Variants in GAS2 observed in about 807,000 individuals in gnomAD.
GAS2 encodes the protein growth arrest-specific protein 2.
A neutral mutation model predicts 37.5 loss-of-function variants in GAS2; 20 were observed. The ratio of observed to expected loss-of-function variants is 0.53; its 90% CI spans 0.37 to 0.77. The LOEUF is 0.77. Ranked by LOEUF, GAS2 falls within the 30% of genes least tolerant of loss-of-function variation. The pLI is 0.00. For missense variants in GAS2, 336 were observed against 373.4 expected, an observed-to-expected ratio of 0.90 and a Z score of 0.82; for synonymous variants, 144 against 132.2, an observed-to-expected ratio of 1.09 and a Z score of -0.61.
intron 5 of GAS2, among the ~76,000 whole-genome samples, chr11:22,746,887 G>T (rs148568038): frequency 6.6e-6 from 1 of 152,176 alleles, no homozygotes; most frequent in East Asian, 1.9e-4. Context: ...AAAAAATTAA[G>T]TAGGTCAATG....
At chr11:22,799,375 C>G (rs943594544) in intron 7 of GAS2, among the ~76,000 whole-genome samples, 1 of 151,958 alleles carries the variant, frequency 6.6e-6, no homozygotes, top group Non-Finnish European at 1.5e-5. Context: ...AAAATGCATT[C>G]CAGGTATAAT....
chr11:22,648,893 T>C (rs1460036465), intron 1 of GAS2, among the ~76,000 whole-genome samples: 2 of 152,040 alleles, frequency 1.3e-5, no homozygotes, highest in African/African-American at 4.8e-5. Flanking sequence ...CTTTTCCTAA[T>C]TGAATACCCT....
chr11:22,701,592 G>T (rs1850845692), intron 3 of GAS2, among the ~76,000 whole-genome samples: 1 of 152,178 alleles, frequency 6.6e-6, no homozygotes, highest in South Asian at 2.1e-4. Context: ...ACTTTGGGAG[G>T]CCAAGGCAGG....
At chr11:22,809,254 G>A (rs570203265) in intron 7 of GAS2, among the ~76,000 whole-genome samples, 8 of 152,128 alleles carry the variant, frequency 5.3e-5, no homozygotes, top group South Asian at 2.1e-4. Context: ...AATCAGTCTC[G>A]AATTCATTTC....
At chr11:22,702,598 T>C (rs962271268) in intron 3 of GAS2, 39 of 152,296 alleles carry the variant, frequency 2.6e-4, no homozygotes, top group African/African-American at 7.7e-4. Flanking sequence ...CCCCTTAAAT[T>C]ATAAGAGGGT....
chr11:22,797,598 C>T (rs1176762366), intron 7 of GAS2, among the ~76,000 whole-genome samples: 1 of 152,064 alleles, frequency 6.6e-6, no homozygotes, highest in Non-Finnish European at 1.5e-5. Context: ...ACTGTGTGTC[C>T]TTGAGCTACC....
intron 1 of GAS2, among the ~76,000 whole-genome samples, chr11:22,659,653 A>C (rs1256365172): frequency 5.3e-5 from 8 of 152,188 alleles, no homozygotes; most frequent in Non-Finnish European, 1.2e-4. Flanking sequence ...GCTTGGAATT[A>C]GGATACCTGA....
upstream of GAS2, among the ~76,000 whole-genome samples, chr11:22,663,756 G>C (rs550398958): frequency 3.0e-4 from 45 of 152,118 alleles, no homozygotes; most frequent in Middle Eastern, 6.8e-3. Flanking sequence ...AGCATTTATC[G>C]TTTAAAATTT....
rs535232763 is a variant in GAS2, at chr11:22,775,633, C to T, written c.723+19680C>T. On this transcript the variant is annotated intron_variant, in intron 7 of 7. Transcript: ENST00000454584. ...AGAATGATGGGAAATAGTCTTTTAA[C>T]ATTTTACCACTGTAATGAGTTTTTG... Among the ~76,000 whole-genome samples the T allele has an allele frequency of 4.1e-4, 63 of 151,872 alleles. No homozygotes were observed. The South Asian group carries it at 5.9e-3, about 14-fold the overall frequency.
chr11:22,736,570 A>G (rs926990925), intron 4 of GAS2, among the ~76,000 whole-genome samples: 3 of 152,062 alleles, frequency 2.0e-5, no homozygotes. Flanking sequence ...TTTACTACAC[A>G]CACCCAGCAA....
intron 1 of GAS2, among the ~76,000 whole-genome samples, chr11:22,645,968 C>G (rs372643908): frequency 1.4e-3 from 207 of 151,650 alleles, no homozygotes; most frequent in Middle Eastern, 6.8e-3. Context: ...CTCAGCCTCC[C>G]GAGTAGCTGG....
At chr11:22,759,260 A>G (rs1854236238) in intron 7 of GAS2, among the ~76,000 whole-genome samples, 1 of 152,232 alleles carries the variant, frequency 6.6e-6, no homozygotes, top group Non-Finnish European at 1.5e-5. Flanking sequence ...AAACCAATGT[A>G]TGAATAGATA....
intron 7 of GAS2, among the ~76,000 whole-genome samples, chr11:22,808,546 C>T (rs1857000382): frequency 6.6e-6 from 1 of 152,160 alleles, no homozygotes; most frequent in Non-Finnish European, 1.5e-5. Context: ...CCTAAATGGC[C>T]AGCATACTCC....
chr11:22,639,519 A>G (rs952591844), intron 1 of GAS2, among the ~76,000 whole-genome samples: 3 of 152,178 alleles, frequency 2.0e-5, no homozygotes, highest in African/African-American at 7.2e-5. Context: ...ATTTACTTGT[A>G]AAATCACGAT....
At chr11:22,809,429 C>G (rs995744136) in intron 7 of GAS2, among the ~76,000 whole-genome samples, 1 of 151,902 alleles carries the variant, frequency 6.6e-6, no homozygotes, top group African/African-American at 2.4e-5. Context: ...CAGATAAGAC[C>G]AATTTAAGTT....
chr11:22,763,408 C>G (rs542411318), intron 7 of GAS2, among the ~76,000 whole-genome samples: 11 of 152,112 alleles, frequency 7.2e-5, no homozygotes, highest in Non-Finnish European at 1.3e-4. Flanking sequence ...TCTTATGGCA[C>G]ATACTGATTT....
intron 1 of GAS2, among the ~76,000 whole-genome samples, chr11:22,655,932 A>G (rs1848849160): frequency 2.0e-5 from 3 of 152,288 alleles, no homozygotes; most frequent in South Asian, 2.1e-4. Context: ...CATTTTGTCT[A>G]TAGTATGTTT....
At chr11:22,743,414 T>C (rs774143269) in intron 5 of GAS2, among the ~76,000 whole-genome samples, 1 of 152,094 alleles carries the variant, frequency 6.6e-6, no homozygotes, top group East Asian at 1.9e-4. Context: ...TGTTGTGCCA[T>C]GTGTCAGAGA....
chr11:22,647,686 T>G (rs1848718294), intron 1 of GAS2, among the ~76,000 whole-genome samples: 1 of 152,248 alleles, frequency 6.6e-6, no homozygotes, highest in African/African-American at 2.4e-5. Flanking sequence ...ATGATGAGCA[T>G]TTTTTCATGT....
Sources: gnomAD v4.1 joint callset for allele counts (sites outside exome capture counted in the v4.1 genomes callset) on GRCh38, gnomAD v4.1.1 for gene constraint, MANE v1.5 for transcripts, NCBI Gene and HGNC (gene_info 2026-07-23, HGNC 2026-07-21) for gene names.